The following CPNE8 variants were observed in gnomAD, a reference collection of about 807,000 sequenced individuals.
CPNE8 encodes the protein copine-8.
In CPNE8, 45 loss-of-function variants were observed where a neutral mutation model predicts 81.5. The observed-to-expected ratio is 0.55, with a 90% CI of 0.44 to 0.71. CPNE8 has a LOEUF of 0.71. CPNE8 is among the 30% of genes least tolerant of loss of function. The pLI, the probability that CPNE8 is intolerant of heterozygous loss-of-function variation, is 0.00. For synonymous variants in CPNE8, 252 were observed against 226.3 expected (o/e 1.11, Z -1.02); for missense variants, 594 against 672.1 (o/e 0.88, Z 1.28).
chr12:38,681,769 G>A (rs182338797), intron 16 of CPNE8, among the ~76,000 whole-genome samples: 4 of 152,262 alleles, frequency 2.6e-5, no homozygotes, highest in Admixed American at 6.5e-5. Context: ...ACAATTACAT[G>A]AGCCAATTCC....
intron 1 of CPNE8, among the ~76,000 whole-genome samples, chr12:38,897,883 A>G (rs759842312): frequency 1.3e-5 from 2 of 152,124 alleles, no homozygotes; most frequent in Non-Finnish European, 2.9e-5. Context: ...CAAAGCAAAT[A>G]TAAGAACTGG....
chr12:38,682,341 T>C (rs1270460997), intron 16 of CPNE8, among the ~76,000 whole-genome samples: 2 of 152,196 alleles, frequency 1.3e-5, no homozygotes, highest in Non-Finnish European at 2.9e-5. Flanking sequence ...GCGGATCGCC[T>C]GAGGTCAAGA....
At chr12:38,823,821 A>G (rs1943146915) in intron 6 of CPNE8, among the ~76,000 whole-genome samples, 3 of 152,174 alleles carry the variant, frequency 2.0e-5, no homozygotes, top group Admixed American at 6.5e-5. Context: ...GAGATCCCTA[A>G]AGATAGAAGA....
At chr12:38,874,692 A>C (rs1449918586) in intron 1 of CPNE8, among the ~76,000 whole-genome samples, 181 bp from the exon 2 acceptor site, 3 of 152,168 alleles carry the variant, frequency 2.0e-5, no homozygotes, top group Non-Finnish European at 4.4e-5. Flanking sequence ...ATATATTCAG[A>C]CTGAACATCA....
chr12:38,897,659 G>A (rs1055717636), intron 1 of CPNE8, among the ~76,000 whole-genome samples: 20 of 150,262 alleles, frequency 1.3e-4, no homozygotes, highest in Non-Finnish European at 1.9e-4. Context: ...ATTGTATTAT[G>A]TATTATATAT....
At chr12:38,795,610 T>G (rs1194567254) in intron 6 of CPNE8, among the ~76,000 whole-genome samples, 1 of 152,072 alleles carries the variant, frequency 6.6e-6, no homozygotes, top group Non-Finnish European at 1.5e-5. Context: ...CTAAGTGAAA[T>G]AAGCCAGTCA....
chr12:38,799,213 C>T lies in CPNE8; in HGVS notation c.408-22912G>A, dbSNP rs71461884. Among the ~76,000 whole-genome samples, 4 of 152,260 alleles carry T rather than the reference C, an allele frequency of 2.6e-5. No homozygotes were observed. In the South Asian group the frequency reaches 8.3e-4, roughly 32 times the overall value. ...ACCAAGGGGACCTAATAGACATCTA[C>T]AGAACTCTCCACCCTAAATCAACAG... On this transcript the variant is annotated intron_variant, in intron 6 of 19. Transcript: ENST00000331366.
intron 6 of CPNE8, among the ~76,000 whole-genome samples, chr12:38,797,839 C>T (rs1029985433): frequency 2.6e-5 from 4 of 152,048 alleles, no homozygotes; most frequent in East Asian, 1.9e-4. Flanking sequence ...ATAACCAATA[C>T]AGAAAAGTGC....
intron 10 of CPNE8, among the ~76,000 whole-genome samples, chr12:38,751,201 G>A (rs1468775182): frequency 2.0e-5 from 3 of 152,118 alleles, no homozygotes; most frequent in Non-Finnish European, 4.4e-5. Flanking sequence ...TAATTGCCCA[G>A]TCTTGGGTAT....
At chr12:38,727,455 AT>A (rs1324919464) in intron 11 of CPNE8, among the ~76,000 whole-genome samples, 11 of 152,184 alleles carry the variant, frequency 7.2e-5, no homozygotes, top group Non-Finnish European at 1.5e-4. Flanking sequence ...CACCATTAGT[AT>A]TTACAATTAA....
rs1020584581 is a variant in CPNE8, at chr12:38,652,944, G to C, written c.*938C>G. On this transcript the variant is annotated 3_prime_UTR_variant, in exon 20 of 20. Transcript: ENST00000331366. ...TGATAACAAGAAATTCCGATCAAGA[G>C]AGCCAGTATCCCTTTGAATTAAAAT... 6 of 152,576 alleles carry C rather than the reference G, an allele frequency of 3.9e-5. No individual in the cohort carries two copies. Among genetic ancestry groups the C allele is most frequent in the African/African-American group, 1.4e-4 (6 of 41,448 alleles). The allele number at this position is 152,576 out of a possible 1,614,324, so 9.5% of individuals were successfully genotyped here.
chr12:38,826,634 T>A (rs1003360866), intron 6 of CPNE8, among the ~76,000 whole-genome samples: 1 of 152,164 alleles, frequency 6.6e-6, no homozygotes, highest in Admixed American at 6.5e-5. Context: ...CTAGTGGGAA[T>A]TGTTGAATCA....
intron 11 of CPNE8, among the ~76,000 whole-genome samples, chr12:38,728,826 C>T (rs1174264150): frequency 6.6e-6 from 1 of 152,174 alleles, no homozygotes; most frequent in Non-Finnish European, 1.5e-5. Flanking sequence ...CCTAAAATTA[C>T]TTGTACATAA....
intron 19 of CPNE8, among the ~76,000 whole-genome samples, chr12:38,655,923 G>A (rs1363353773): frequency 6.6e-6 from 1 of 151,140 alleles, no homozygotes; most frequent in Non-Finnish European, 1.5e-5. Context: ...TTTAAAAGGT[G>A]ACATATCTTT....
rs758996393 is a variant in CPNE8 at position 38,905,469 on chromosome 12, C to A, written c.66G>T (p.Pro22=). Residue 22 remains proline, a synonymous_variant, in exon 1 of 20, where the codon CCG becomes CCT. Coordinates refer to ENST00000331366, the MANE Select transcript of CPNE8 (RefSeq NM_153634.3). ...GDLNQLSAAI[P]ATRVEVSVSC... ...ACACGGACACCTCCACCCGCGTGGC[C>A]GGGATGGCAGCGCTCAGCTGGTTCA... The A allele has an allele frequency of 3.2e-6, 5 of 1,573,972 alleles. No individual in the cohort carries two copies. In the South Asian group the frequency reaches 5.8e-5, roughly 18 times the overall value.
chr12:38,658,059 G>A (rs923229009), intron 19 of CPNE8, among the ~76,000 whole-genome samples: 2 of 152,132 alleles, frequency 1.3e-5, no homozygotes, highest in Admixed American at 6.5e-5. Context: ...TTGACGAGTT[G>A]ACAGAAGTAG....
At chr12:38,770,510 T>TA (rs1565606387) in intron 7 of CPNE8, among the ~76,000 whole-genome samples, 7 of 152,224 alleles carry the variant, frequency 4.6e-5, no homozygotes, top group Non-Finnish European at 1.0e-4. Flanking sequence ...GCAGACAGAA[T>TA]AAAAGTCTTG....
chr12:38,797,243 C>A (rs952769567), intron 6 of CPNE8, among the ~76,000 whole-genome samples: 1 of 152,198 alleles, frequency 6.6e-6, no homozygotes, highest in Admixed American at 6.5e-5. Flanking sequence ...CAGACTGCCT[C>A]CTCAACTGCG....
intron 1 of CPNE8, among the ~76,000 whole-genome samples, chr12:38,900,107 C>T (rs1944437083): frequency 1.3e-5 from 2 of 152,030 alleles, no homozygotes; most frequent in South Asian, 4.2e-4. Flanking sequence ...AACTGACTTA[C>T]AAATTTCTGT....
Sources: gnomAD v4.1 joint callset for allele counts (sites outside exome capture counted in the v4.1 genomes callset) on GRCh38, gnomAD v4.1.1 for gene constraint, MANE v1.5 for transcripts, NCBI Gene and HGNC (gene_info 2026-07-23, HGNC 2026-07-21) for gene names.